The following IL1R2 variants were observed in gnomAD, a reference collection of about 807,000 sequenced individuals.
The protein encoded by IL1R2 is interleukin-1 receptor type 2.
In IL1R2, 46 loss-of-function variants were observed where a neutral mutation model predicts 39.5. The observed-to-expected ratio is 1.16, with a 90% CI of 0.92 to 1.49. The LOEUF (loss-of-function observed/expected upper bound fraction) is 1.49. Among genes scored for constraint, IL1R2 ranks in the 40% most tolerant of loss-of-function variants. The probability of loss-of-function intolerance (pLI) is 0.00; values close to 1 mark genes in which losing one functional copy is unlikely to be tolerated. For synonymous variants in IL1R2, 207 were observed against 189.6 expected (o/e 1.09, Z -0.75); for missense variants, 537 against 502.0 (o/e 1.07, Z -0.67).
chr2:102,027,500 G>C (rs1030879818), intron 8 of IL1R2, among the ~76,000 whole-genome samples: 1 of 152,192 alleles, frequency 6.6e-6, no homozygotes, highest in South Asian at 2.1e-4. Flanking sequence ...TATTCAAACA[G>C]CTGCCCAGAA....
intron 8 of IL1R2, 62 bp from the exon 9 acceptor site, chr2:102,028,164 C>A (rs1476192761): frequency 7.2e-6 from 10 of 1,385,274 alleles, no homozygotes; most frequent in South Asian, 1.6e-5. Context: ...ACCTGCATTG[C>A]CCTGTCCTCT....
In IL1R2 at chr2:102,022,201, A is replaced by G; in HGVS notation, c.703A>G (p.Thr235Ala). ...ELRIKKKKEE[T>A]IPVIISPLKT... Reference sequence around the variant, plus strand: ...ATCTTTCTCAGAAAAAAAAGAAGAGACCATTCCTGTGATCATTTCCCCCCT... The same window carrying G: ...ATCTTTCTCAGAAAAAAAAGAAGAGGCCATTCCTGTGATCATTTCCCCCCT... The change falls in exon 6 of 9, where the codon ACC (threonine) becomes GCC (alanine). Residue 235 changes from threonine (T) to alanine (A), a missense_variant. Thr to Ala is a moderately conservative substitution (Grantham distance 58, BLOSUM62 0). Coordinates refer to ENST00000332549, the MANE Select transcript of IL1R2 (RefSeq NM_004633.4). 6.2e-7 allele frequency: 1 copy of G among 1,613,628 alleles called. No homozygotes were observed. Among genetic ancestry groups the G allele is most frequent in the South Asian group, 1.1e-5 (1 of 91,066 alleles).
chr2:102,013,581 G>GAAAAA (rs1559421510), intron 3 of IL1R2, among the ~76,000 whole-genome samples: 1 of 28,496 alleles, frequency 3.5e-5, no homozygotes. Context: ...AGAAGGAAAA[G>GAAAAA]AAAAAGAAAA....
At chr2:102,022,111 G>A in intron 5 of IL1R2, 76 bp from the exon 6 acceptor site, 1 of 1,228,866 alleles carries the variant, frequency 8.1e-7, no homozygotes, top group South Asian at 1.2e-5. Flanking sequence ...TAGTTGATTA[G>A]CCAAACAATG....
chr2:101,995,389 G>T (rs1675540622), intron 1 of IL1R2, among the ~76,000 whole-genome samples: 1 of 152,186 alleles, frequency 6.6e-6, no homozygotes, highest in Non-Finnish European at 1.5e-5. Flanking sequence ...GGAGCCGAGA[G>T]TGGCCTTATC....
At chr2:102,002,379 A>AGTCTAG (rs1675917340) in intron 1 of IL1R2, among the ~76,000 whole-genome samples, 1 of 76,628 alleles carries the variant, frequency 1.3e-5, no homozygotes, top group African/African-American at 6.4e-5. Flanking sequence ...TGTATGTCTA[A>AGTCTAG]GTCTAGGTCT....
chr2:102,024,471 G>A (rs757108308), intron 6 of IL1R2, 62 bp from the exon 7 acceptor site: 62 of 1,234,482 alleles, frequency 5.0e-5, no homozygotes, highest in Non-Finnish European at 7.4e-5. Flanking sequence ...CAGGGCTCAG[G>A]TTTGCTGGTG....
intron 3 of IL1R2, among the ~76,000 whole-genome samples, chr2:102,012,901 C>G (rs1440399301): frequency 6.6e-6 from 1 of 152,180 alleles, no homozygotes; most frequent in Non-Finnish European, 1.5e-5. Flanking sequence ...CATTTCCTAT[C>G]TGGTGGGACC....
At chr2:102,009,470 C>A (rs1676476443) in intron 2 of IL1R2, 92 bp from the exon 3 acceptor site, 1 of 1,401,480 alleles carries the variant, frequency 7.1e-7, no homozygotes, top group Admixed American at 2.1e-5. Context: ...GGTTTCCCTG[C>A]CAGAATCAGG....
chr2:102,007,238 G>A (rs3218844), intron 1 of IL1R2, among the ~76,000 whole-genome samples: 223 of 152,274 alleles, frequency 1.5e-3, no homozygotes, highest in African/African-American at 5.1e-3. Flanking sequence ...AGTCTTTGGG[G>A]GGCATGGGGG....
At chr2:102,017,985 C>T (rs3218928) in intron 4 of IL1R2, among the ~76,000 whole-genome samples, 26,594 of 152,196 alleles carry the variant, frequency 0.17, 2,859 homozygotes, top group African/African-American at 0.29. Context: ...GTAACTACAG[C>T]ATCTCTATAT....
chr2:101,995,049 A>T lies in IL1R2; in HGVS notation c.-62+3038A>T, dbSNP rs1037756716. 6.6e-5 allele frequency among the ~76,000 whole-genome samples: 10 copies of T among 152,254 alleles called. 1 individual carries two copies. Among genetic ancestry groups the T allele is most frequent in the Non-Finnish European group, 2.9e-5 (2 of 68,038 alleles). The stretch of plus-strand genomic sequence containing the variant: ...TGTGGGATGTGTGAATAGATGGAAC[A>T]TCACTACCATGATTAAGTTACTTTA... On this transcript the variant is annotated intron_variant, in intron 1 of 8. Coordinates refer to ENST00000332549, the MANE Select transcript of IL1R2 (RefSeq NM_004633.4).
rs758410824 is a variant in IL1R2, at chr2:102,024,686, T to C, written c.887+18T>C. ...CCACGCCAGTAAGTGGGCCAGGGTCTTCTGTTGAGAACTCTGTGGGTTTCG... is the reference window on the plus strand; with the variant it reads ...CCACGCCAGTAAGTGGGCCAGGGTCCTCTGTTGAGAACTCTGTGGGTTTCG... On this transcript the variant is annotated intron_variant, in intron 7 of 8. Coordinates refer to ENST00000332549, the MANE Select transcript of IL1R2 (RefSeq NM_004633.4). 6.2e-7 allele frequency: 1 copy of C among 1,614,126 alleles called. No homozygotes were observed. The highest frequency in any genetic ancestry group is 1.3e-5 in the African/African-American group (1 of 75,032).
intron 1 of IL1R2, among the ~76,000 whole-genome samples, chr2:102,003,092 G>A (rs1676009540): frequency 8.5e-6 from 1 of 117,996 alleles, no homozygotes; most frequent in African/African-American, 2.6e-5. Flanking sequence ...CCGTGTCTGT[G>A]TCTATGTCTG....
At chr2:102,025,981 AC>A in intron 7 of IL1R2, 129 bp from the exon 8 acceptor site, 1 of 693,656 alleles carries the variant, frequency 1.4e-6, no homozygotes, top group Non-Finnish European at 2.4e-6. Context: ...AGAGCTCCTA[AC>A]TTTATGAAAC....
Position 101,998,749 on chromosome 2 carries a change from C to T in IL1R2, c.-62+6738C>T, listed in dbSNP as rs1476308257. On this transcript the variant is annotated intron_variant, in intron 1 of 8. Transcript: ENST00000332549. ...CATGTGGCCTCCCTAGCAAGGTGGT[C>T]TCAGGGCAGTTGGACTGTCTTCGTG... 1.2e-4 allele frequency among the ~76,000 whole-genome samples: 18 copies of T among 152,162 alleles called. No individual in the cohort carries two copies. In the South Asian group the frequency reaches 3.1e-3, roughly 26 times the overall value.
intron 1 of IL1R2, among the ~76,000 whole-genome samples, chr2:102,008,043 G>T (rs1247376516): frequency 6.6e-6 from 1 of 152,208 alleles, no homozygotes; most frequent in Non-Finnish European, 1.5e-5. Context: ...TCTGGAGAGG[G>T]GAGACAAGGC....
At chr2:102,019,037 T>G (rs1015402028) in intron 4 of IL1R2, among the ~76,000 whole-genome samples, 4 of 152,178 alleles carry the variant, frequency 2.6e-5, no homozygotes, top group African/African-American at 4.8e-5. Context: ...ATTAGGGTGT[T>G]TTTAGAAATC....
At chr2:102,000,497 GAAGTT>G (rs1300041545) in intron 1 of IL1R2, among the ~76,000 whole-genome samples, 3 of 152,220 alleles carry the variant, frequency 2.0e-5, no homozygotes, top group African/African-American at 7.2e-5. Flanking sequence ...ACTAATAAAT[GAAGTT>G]AAGAGGGAGG....
Sources: gnomAD v4.1 joint callset for allele counts (sites outside exome capture counted in the v4.1 genomes callset) on GRCh38, gnomAD v4.1.1 for gene constraint, MANE v1.5 for transcripts, NCBI Gene and HGNC (gene_info 2026-07-23, HGNC 2026-07-21) for gene names.